The following KIF26B variants were observed in gnomAD, a reference collection of about 807,000 sequenced individuals.
The protein encoded by KIF26B is kinesin family member 26B, also known as kinesin-like protein KIF26B.
KIF26B carries 63 observed loss-of-function variants against 151.2 expected under a neutral mutation model. That is an observed-to-expected ratio of 0.42 (90% CI 0.34 to 0.51). The LOEUF (loss-of-function observed/expected upper bound fraction) is 0.51. KIF26B is among the 20% of genes least tolerant of loss of function. KIF26B has a pLI of 0.07. For missense variants in KIF26B, 2,813 were observed against 2,913.6 expected (o/e 0.97, Z 0.79); for synonymous variants, 1,357 against 1,262.1 (o/e 1.08, Z -1.59).
chr1:245,387,925 T>G (rs1356443666), intron 3 of KIF26B, among the ~76,000 whole-genome samples: 1 of 152,152 alleles, frequency 6.6e-6, no homozygotes, highest in African/African-American at 2.4e-5. Flanking sequence ...ACGTTCACAG[T>G]CCTGGGCTGC....
intron 3 of KIF26B, among the ~76,000 whole-genome samples, chr1:245,402,482 T>C (rs1051324027): frequency 1.3e-5 from 2 of 152,168 alleles, no homozygotes; most frequent in African/African-American, 4.8e-5. Flanking sequence ...GAAGTTTTTC[T>C]AGAATTTGAA....
chr1:245,520,604 C>G (rs1661076664), intron 4 of KIF26B, among the ~76,000 whole-genome samples: 1 of 9,328 alleles, frequency 1.1e-4, no homozygotes, highest in African/African-American at 1.6e-4. Context: ...ATCCATCCAC[C>G]CACCCACCCA....
chr1:245,246,970 G>GACACAC (rs953063799), intron 2 of KIF26B, among the ~76,000 whole-genome samples: 1 of 146,866 alleles, frequency 6.8e-6, no homozygotes, highest in Non-Finnish European at 1.5e-5. Flanking sequence ...CACAGACACA[G>GACACAC]ACACACACAC....
In KIF26B at chr1:245,177,487, C is replaced by T. The variant is rs1668830603; in HGVS notation, c.465+20804C>T. Among the ~76,000 whole-genome samples the T allele has an allele frequency of 3.3e-5, 5 of 152,232 alleles. No individual in the cohort carries two copies. In the South Asian group the frequency reaches 1.0e-3, roughly 32 times the overall value. On this transcript the variant is annotated intron_variant, in intron 2 of 14. Coordinates refer to ENST00000407071, the MANE Select transcript of KIF26B (RefSeq NM_018012.4). ...ATTTACGGTGGCAGTGCACACGGCT[C>T]ACACTGACGAATGGCTCGGCTGAGC...
At chr1:245,623,757 T>C (rs2043689916) in intron 9 of KIF26B, among the ~76,000 whole-genome samples, 1 of 152,230 alleles carries the variant, frequency 6.6e-6, no homozygotes, top group Admixed American at 6.5e-5. Flanking sequence ...CATAAATGAA[T>C]TTAATGTTTA....
Position 245,685,519 on chromosome 1 carries a change from G to A in KIF26B, c.2536G>A (p.Ala846Thr), listed in dbSNP as rs200467850. ...CACGGTGGACCCTGACTTCCCCATC[G>A]CTCACCTGTCCAGCGACCCCGACTA... Reference protein sequence around the residue: ...RATVDPDFPIAHLSSDPDYSS... With the variant: ...RATVDPDFPITHLSSDPDYSS... Residue 846 changes from alanine (A) to threonine (T), a missense_variant, in exon 12 of 15, where the codon GCT becomes ACT. Physicochemically the swap from Ala to Thr is moderately conservative, Grantham distance 58. This residue lies in a region of KIF26B where 2,060 missense variants were observed against 2,088.6 expected (regional missense o/e 0.99). Coordinates refer to ENST00000407071, the MANE Select transcript of KIF26B (RefSeq NM_018012.4). 9.9e-5 allele frequency: 159 copies of A among 1,613,532 alleles called. No individual in the cohort carries two copies. Among genetic ancestry groups the A allele is most frequent in the Admixed American group, 1.7e-4 (10 of 59,986 alleles).
chr1:245,400,911 C>CA (rs946188807), intron 3 of KIF26B, among the ~76,000 whole-genome samples: 18 of 151,286 alleles, frequency 1.2e-4, no homozygotes, highest in South Asian at 2.1e-4. Context: ...AAAAAAAGAC[C>CA]AAAAAAAACC....
chr1:245,663,385 TGA>T (rs2044178823), intron 10 of KIF26B, among the ~76,000 whole-genome samples: 1 of 79,976 alleles, frequency 1.3e-5, no homozygotes, highest in South Asian at 4.7e-4. Flanking sequence ...TTGTCATTTG[TGA>T]TCATTTTTTT....
chr1:245,192,582 G>A lies in KIF26B; in HGVS notation c.465+35899G>A, dbSNP rs374090220. On this transcript the variant is annotated intron_variant, in intron 2 of 14. Coordinates refer to ENST00000407071, the MANE Select transcript of KIF26B (RefSeq NM_018012.4). ...TTTCAAACTCTGTCTCCTGCTAAATGATCATCTATACTGATGACTTTTTAA... is the reference window on the plus strand; with the variant it reads ...TTTCAAACTCTGTCTCCTGCTAAATAATCATCTATACTGATGACTTTTTAA... Among the ~76,000 whole-genome samples the A allele has an allele frequency of 5.9e-5, 9 of 152,282 alleles. No individual in the cohort carries two copies. In the South Asian group the frequency reaches 1.0e-3, roughly 18 times the overall value.
chr1:245,380,761 G>T (rs1311698461), intron 3 of KIF26B, among the ~76,000 whole-genome samples: 5 of 152,028 alleles, frequency 3.3e-5, no homozygotes, highest in African/African-American at 1.2e-4. Context: ...CCTGGGGAGG[G>T]TTACCCACCG....
At position 245,705,011 on chromosome 1, in the gene KIF26B, T is replaced by G. The variant is rs1453359557; in HGVS notation, c.*2405T>G. The G allele has an allele frequency of 2.0e-5, 3 of 152,266 alleles. No individual in the cohort carries two copies. The highest frequency in any genetic ancestry group is 7.2e-5 in the African/African-American group (3 of 41,464). The allele number at this position is 152,266 out of a possible 1,614,324, so 9.4% of individuals were successfully genotyped here. On this transcript the variant is annotated 3_prime_UTR_variant, in exon 15 of 15. Transcript: ENST00000407071. ...TGCTGCACTGCCTTCCTTTAGCCAGTGACAGAGCCTGGTGCCCTTCCTGGA... is the reference window on the plus strand; with the variant it reads ...TGCTGCACTGCCTTCCTTTAGCCAGGGACAGAGCCTGGTGCCCTTCCTGGA...
At position 245,209,273 on chromosome 1, in the gene KIF26B, C is replaced by T. The variant is rs140604857; in HGVS notation, c.465+52590C>T. 8.9e-3 allele frequency among the ~76,000 whole-genome samples: 1,349 copies of T among 152,136 alleles called. 18 individuals carry two copies. The highest frequency in any genetic ancestry group is 0.031 in the African/African-American group (1,274 of 41,474). ...AAAATTAGTTGGGCATGGTGGTGTACACCTATAATCCCAGCTACTCAGGAG... is the reference window on the plus strand; with the variant it reads ...AAAATTAGTTGGGCATGGTGGTGTATACCTATAATCCCAGCTACTCAGGAG... On this transcript the variant is annotated intron_variant, in intron 2 of 14. Coordinates refer to ENST00000407071, the MANE Select transcript of KIF26B (RefSeq NM_018012.4).
intron 3 of KIF26B, among the ~76,000 whole-genome samples, chr1:245,395,792 A>G (rs574575660): frequency 6.6e-6 from 1 of 152,340 alleles, no homozygotes; most frequent in Admixed American, 6.5e-5. Context: ...TGTGAGCTCC[A>G]GGGAGTCCAG....
At chr1:245,465,145 A>AT (rs34434398) in intron 4 of KIF26B, among the ~76,000 whole-genome samples, 123,383 of 150,698 alleles carry the variant, frequency 0.82, 50,813 homozygotes, top group African/African-American at 0.9. Context: ...CACCCGGCTA[A>AT]TTTTTTGTAT....
At chr1:245,455,494 T>C (rs1659497198) in intron 4 of KIF26B, among the ~76,000 whole-genome samples, 1 of 151,984 alleles carries the variant, frequency 6.6e-6, no homozygotes, top group South Asian at 2.1e-4. Flanking sequence ...CAGAGTGAGA[T>C]CTGTCTGAAA....
intron 3 of KIF26B, among the ~76,000 whole-genome samples, chr1:245,383,510 A>G (rs1478357595): frequency 6.6e-6 from 1 of 152,204 alleles, no homozygotes; most frequent in African/African-American, 2.4e-5. Context: ...CTCTAAAGAC[A>G]GATTGTACTT....
Position 245,162,439 on chromosome 1 carries a change from A to G in KIF26B, c.465+5756A>G, listed in dbSNP as rs970873487. 6.5e-5 allele frequency among the ~76,000 whole-genome samples: 8 copies of G among 122,472 alleles called. No individual in the cohort carries two copies. The South Asian group carries it at 1.6e-3, about 24-fold the overall frequency. The allele number at this position is 122,472 out of a possible 152,430, so 80.3% of individuals were successfully genotyped here. A position where few individuals can be genotyped will look rare whatever the true frequency, so the allele number is the denominator to read the frequency against. Reference sequence around the variant, plus strand: ...CTCGCTCTGTTGCCCAGGCTGGAGTACAGTGGCGTGATCTCGGCTCACTGC... The same window carrying G: ...CTCGCTCTGTTGCCCAGGCTGGAGTGCAGTGGCGTGATCTCGGCTCACTGC... On this transcript the variant is annotated intron_variant, in intron 2 of 14. Coordinates refer to ENST00000407071, the MANE Select transcript of KIF26B (RefSeq NM_018012.4).
intron 5 of KIF26B, among the ~76,000 whole-genome samples, chr1:245,569,399 G>A (rs1435451080): frequency 6.6e-6 from 1 of 152,046 alleles, no homozygotes; most frequent in East Asian, 1.9e-4. Flanking sequence ...TTTGAGTTTA[G>A]GAGTTCAAGA....
intron 2 of KIF26B, among the ~76,000 whole-genome samples, chr1:245,361,951 T>G (rs1357408671): frequency 6.6e-6 from 1 of 151,544 alleles, no homozygotes; most frequent in Non-Finnish European, 1.5e-5. Context: ...GGGTCGTGAT[T>G]CCTTTGTCAG....
Sources: gnomAD v4.1 joint callset for allele counts (sites outside exome capture counted in the v4.1 genomes callset) on GRCh38, gnomAD v4.1.1 for gene constraint, gnomAD v4.1.1 regional missense constraint, MANE v1.5 for transcripts, NCBI Gene and HGNC (gene_info 2026-07-23, HGNC 2026-07-21) for gene names.